Variants in ANO1 observed in about 807,000 individuals in gnomAD.
ANO1 encodes anoctamin-1.
ANO1 carries 59 observed loss-of-function variants against 124.0 expected under a neutral mutation model. That is an observed-to-expected ratio of 0.48 (90% CI 0.39 to 0.59). The LOEUF is 0.59. ANO1 is among the 20% of genes least tolerant of loss of function. The pLI is 0.00. For synonymous variants in ANO1, 529 were observed against 532.0 expected, an observed-to-expected ratio of 0.99 and a Z score of 0.08; for missense variants, 1,059 against 1,328.0, an observed-to-expected ratio of 0.80 and a Z score of 3.15.
chr11:70,071,225 T>C (rs1857866366), intron 1 of ANO1, among the ~76,000 whole-genome samples: 1 of 152,242 alleles, frequency 6.6e-6, no homozygotes, highest in African/African-American at 2.4e-5. Context: ...TGGGTTTCTC[T>C]ACATGTGTGC....
intron 17 of ANO1, 121 bp from the exon 18 acceptor site, chr11:70,161,501 G>A: frequency 7.2e-7 from 1 of 1,382,718 alleles, no homozygotes; most frequent in Non-Finnish European, 1.0e-6. Context: ...CCTGAGCACA[G>A]GCCATGGTGC....
chr11:70,104,371 G>A (rs1335765970), intron 4 of ANO1, among the ~76,000 whole-genome samples: 2 of 152,144 alleles, frequency 1.3e-5, no homozygotes, highest in East Asian at 3.9e-4. Flanking sequence ...GCTTGGTGAC[G>A]CAGGAAAAAC....
rs558529346 is a variant in ANO1, at chr11:70,069,203, G to A, written c.59-9339G>A. Among the ~76,000 whole-genome samples the A allele has an allele frequency of 2.0e-5, 3 of 152,328 alleles. No homozygotes were observed. The South Asian group carries it at 6.2e-4, about 32-fold the overall frequency. ...CCACCATCCTCCCTGACCAAGGAAA[G>A]GGTCCGCTTTCTCTTCTGAGATGTG... On this transcript the variant is annotated intron_variant, in intron 1 of 27. Coordinates refer to the ANO1 transcript ENST00000531349.
upstream of ANO1, among the ~76,000 whole-genome samples, chr11:70,074,166 G>A (rs1275074700): frequency 3.3e-5 from 5 of 152,292 alleles, no homozygotes; most frequent in South Asian, 4.1e-4. Flanking sequence ...GGAGTGGGAC[G>A]GGTGGCCATT....
At chr11:70,124,542 G>T in intron 9 of ANO1, 128 bp downstream of exon 9, 4 of 930,318 alleles carry the variant, frequency 4.3e-6, no homozygotes, top group Non-Finnish European at 6.6e-6. Flanking sequence ...AAGAGCTTGT[G>T]TAGGAAGACC....
At chr11:69,979,239 AC>A in the ANO1 span, among the ~76,000 whole-genome samples, 1 of 152,086 alleles carries the variant, frequency 6.6e-6, no homozygotes, top group Non-Finnish European at 1.5e-5. Flanking sequence ...TTATTTCCAT[AC>A]CCTTCTTTTT....
At chr11:69,986,478 G>A (rs1554996887) in intron 1 of ANO1, among the ~76,000 whole-genome samples, 2 of 152,178 alleles carry the variant, frequency 1.3e-5, no homozygotes, top group Non-Finnish European at 2.9e-5. Context: ...CCCCTGGGGA[G>A]ACATCTGCTA....
chr11:70,150,059 G>A (rs747255753), intron 12 of ANO1, among the ~76,000 whole-genome samples: 1 of 152,208 alleles, frequency 6.6e-6, no homozygotes, highest in Non-Finnish European at 1.5e-5. Context: ...CCACCAGCGT[G>A]GTCTCAGGCA....
intron 10 of ANO1, among the ~76,000 whole-genome samples, chr11:70,128,930 C>T (rs980122293): frequency 6.6e-6 from 1 of 152,248 alleles, no homozygotes; most frequent in African/African-American, 2.4e-5. Context: ...TTGGCCCTGC[C>T]TGTCCCCAGT....
At chr11:70,000,159 C>T (rs1856353964) in intron 1 of ANO1, among the ~76,000 whole-genome samples, 1 of 151,998 alleles carries the variant, frequency 6.6e-6, no homozygotes. Flanking sequence ...CATAGCTACC[C>T]AAAATGAGCC....
chr11:70,152,357 A>AAAATT, intron 12 of ANO1, 93 bp from the exon 13 acceptor site: 5 of 922,358 alleles, frequency 5.4e-6, no homozygotes, highest in Non-Finnish European at 6.5e-6. Context: ...AAAAAAAAAA[A>AAAATT]GTTGTCCTTA....
chr11:70,024,725 C>T (rs60530025), intron 1 of ANO1, among the ~76,000 whole-genome samples: 13,838 of 152,294 alleles, frequency 0.091, 762 homozygotes, highest in African/African-American at 0.15. Flanking sequence ...GCAGAGCTGC[C>T]TCTGTCTGGA....
At chr11:70,104,256 T>C in intron 4 of ANO1, 106 bp downstream of exon 4, 4 of 1,331,348 alleles carry the variant, frequency 3.0e-6, no homozygotes, top group Non-Finnish European at 4.0e-6. Context: ...AAGAAGAGCG[T>C]GTTCTTGTAA....
At chr11:70,162,282 G>A (rs1482790928) in intron 18 of ANO1, among the ~76,000 whole-genome samples, 7 of 147,864 alleles carry the variant, frequency 4.7e-5, no homozygotes, top group East Asian at 4.1e-4. Context: ...TGGGGACCCC[G>A]GGCAGTGGGG....
rs12290346 is a variant in ANO1 at position 70,185,483 on chromosome 11, G to A, written c.2589-107G>A. ...GAGGGCTGCCCTCCCGGAGGCAGCC[G>A]CACACCAAGCTGAGCCTCTCCCAGG... On this transcript the variant is annotated intron_variant, in intron 24 of 25. Transcript: ENST00000355303. 7,172 of 991,884 alleles carry A rather than the reference G, an allele frequency of 7.2e-3. 134 individuals carry two copies. The highest frequency in any genetic ancestry group is 0.058 in the African/African-American group (3,594 of 62,092). The allele number at this position is 991,884 out of a possible 1,614,324, so 61.4% of individuals were successfully genotyped here.
intron 25 of ANO1, among the ~76,000 whole-genome samples, chr11:70,186,819 T>C (rs933925685): frequency 6.6e-6 from 1 of 152,206 alleles, no homozygotes; most frequent in African/African-American, 2.4e-5. Flanking sequence ...GGCAGGCCCT[T>C]CCACTCCTCT....
intron 17 of ANO1, 93 bp from the exon 18 acceptor site, chr11:70,161,529 G>A (rs2048043896): frequency 6.9e-7 from 1 of 1,449,098 alleles, no homozygotes; most frequent in Non-Finnish European, 9.7e-7. Context: ...AGAGCCGACT[G>A]AGTGACTGTG....
chr11:70,175,021 A>G (rs1013495300), intron 22 of ANO1, among the ~76,000 whole-genome samples: 12 of 124,252 alleles, frequency 9.7e-5, no homozygotes, highest in African/African-American at 3.7e-4. Context: ...CCCGCCCGCC[A>G]CCTGCCACAT....
chr11:70,184,874 G>C (rs2049050529), intron 24 of ANO1, among the ~76,000 whole-genome samples: 1 of 152,126 alleles, frequency 6.6e-6, no homozygotes, highest in African/African-American at 2.4e-5. Context: ...AGCCTCCCGA[G>C]TAGCTGGGAA....
Sources: gnomAD v4.1 joint callset for allele counts (sites outside exome capture counted in the v4.1 genomes callset) on GRCh38, gnomAD v4.1.1 for gene constraint, MANE v1.5 for transcripts, NCBI Gene and HGNC (gene_info 2026-07-23, HGNC 2026-07-21) for gene names.